SGPL1: variants seen among roughly 807,000 people sequenced by gnomAD.
SGPL1 encodes the protein sphingosine-1-phosphate lyase 1, also known as SP-lyase 1.
A neutral mutation model predicts 68.9 loss-of-function variants in SGPL1; 37 were observed. The ratio of observed to expected loss-of-function variants is 0.54; its 90% confidence interval spans 0.41 to 0.71. SGPL1 has a LOEUF of 0.71. Ranked by LOEUF, SGPL1 falls within the 30% of genes least tolerant of loss-of-function variation. SGPL1 has a pLI of 0.00. For missense variants in SGPL1, 551 were observed against 704.6 expected (o/e 0.78, Z 2.47); for synonymous variants, 236 against 248.5 (o/e 0.95, Z 0.47).
At chr10:70,826,393 C>T (rs558339144) in intron 2 of SGPL1, among the ~76,000 whole-genome samples, 2 of 152,170 alleles carry the variant, frequency 1.3e-5, no homozygotes, top group African/African-American at 2.4e-5. Flanking sequence ...GTAGTGCATC[C>T]CCTCCTGGGC....
At chr10:70,830,860 A>T (rs892227601) in intron 2 of SGPL1, among the ~76,000 whole-genome samples, 2 of 152,228 alleles carry the variant, frequency 1.3e-5, no homozygotes, top group Non-Finnish European at 2.9e-5. Context: ...ATACAGATAT[A>T]AAATGAACAT....
intron 2 of SGPL1, 85 bp downstream of exon 2, chr10:70,816,965 C>T: frequency 8.0e-6 from 10 of 1,251,242 alleles, no homozygotes; most frequent in Non-Finnish European, 1.2e-5. Flanking sequence ...GTAGATTTCA[C>T]CTCTGATGCT....
intron 2 of SGPL1, among the ~76,000 whole-genome samples, chr10:70,821,460 C>T (rs1052404290): frequency 1.3e-5 from 2 of 152,254 alleles, no homozygotes; most frequent in East Asian, 1.9e-4. Context: ...TCAAGGTTAG[C>T]GTGTGCACCC....
chr10:70,875,369 T>C, intron 12 of SGPL1, 33 bp from the exon 13 acceptor site: 10 of 1,481,334 alleles, frequency 6.8e-6, no homozygotes, highest in Non-Finnish European at 9.4e-6. Context: ...CTGAATTTAC[T>C]TTTTCTTCCT....
At chr10:70,822,145 A>G (rs1175145343) in intron 2 of SGPL1, among the ~76,000 whole-genome samples, 1 of 152,164 alleles carries the variant, frequency 6.6e-6, no homozygotes, top group South Asian at 2.1e-4. Flanking sequence ...GCTCTGTTCT[A>G]TTATTTGAGC....
intron 2 of SGPL1, among the ~76,000 whole-genome samples, chr10:70,832,496 T>C (rs550016664): frequency 6.6e-6 from 1 of 152,326 alleles, no homozygotes; most frequent in South Asian, 2.1e-4. Context: ...AGTATGGGAC[T>C]GGAGAAGTCA....
intron 2 of SGPL1, among the ~76,000 whole-genome samples, chr10:70,827,314 G>A (rs1472250754): frequency 1.3e-5 from 2 of 152,114 alleles, no homozygotes; most frequent in African/African-American, 4.8e-5. Context: ...TGGATTTTCT[G>A]TTTTGTGGCT....
At chr10:70,872,830 A>G (rs1011706155) in intron 11 of SGPL1, among the ~76,000 whole-genome samples, 1 of 152,172 alleles carries the variant, frequency 6.6e-6, no homozygotes, top group Non-Finnish European at 1.5e-5. Context: ...CAGATGTTCT[A>G]TAAGGAAACC....
intron 7 of SGPL1, chr10:70,860,398 A>G: frequency 2.1e-6 from 1 of 468,306 alleles, no homozygotes; most frequent in Non-Finnish European, 4.4e-6. Context: ...TCCAGGAAGC[A>G]TTGTTTTTGT....
At chr10:70,861,989 G>A (rs892645154) in intron 7 of SGPL1, among the ~76,000 whole-genome samples, 2 of 152,206 alleles carry the variant, frequency 1.3e-5, no homozygotes, top group South Asian at 2.1e-4. Context: ...GCTCCACGGC[G>A]CCCAGTCCCA....
At chr10:70,827,210 A>T (rs1845452212) in intron 2 of SGPL1, among the ~76,000 whole-genome samples, 1 of 152,220 alleles carries the variant, frequency 6.6e-6, no homozygotes, top group Admixed American at 6.5e-5. Context: ...ATTTTTTGAC[A>T]ATCTGGTAAG....
intron 2 of SGPL1, among the ~76,000 whole-genome samples, chr10:70,841,824 T>A (rs1448849039): frequency 2.6e-5 from 4 of 152,190 alleles, no homozygotes; most frequent in South Asian, 2.1e-4. Flanking sequence ...TCAGTATCAT[T>A]ATCTTTTTCT....
intron 2 of SGPL1, among the ~76,000 whole-genome samples, chr10:70,828,289 C>G (rs1845471046): frequency 6.6e-6 from 1 of 152,160 alleles, no homozygotes; most frequent in African/African-American, 2.4e-5. Context: ...AGAACTCTTT[C>G]CTGAAGTTGT....
chr10:70,861,837 G>A (rs895488318), intron 7 of SGPL1, among the ~76,000 whole-genome samples: 2 of 152,242 alleles, frequency 1.3e-5, no homozygotes, highest in African/African-American at 4.8e-5. Flanking sequence ...CGGCCTACCG[G>A]CACTGCGCTC....
At chr10:70,869,644 AAAG>A (rs1589474258) in intron 8 of SGPL1, 145 bp from the exon 9 acceptor site, 8 of 576,428 alleles carry the variant, frequency 1.4e-5, no homozygotes, top group Non-Finnish European at 2.4e-5. Context: ...GTGTGCTTAA[AAAG>A]AAAAGTAGAG....
At chr10:70,844,338 A>G (rs1279606418) in intron 2 of SGPL1, 135 bp from the exon 3 acceptor site, 2 of 725,192 alleles carry the variant, frequency 2.8e-6, no homozygotes, top group East Asian at 2.8e-5. Flanking sequence ...GTAGATGATA[A>G]TAAGATTATT....
At chr10:70,839,813 A>C (rs1038875705) in intron 2 of SGPL1, among the ~76,000 whole-genome samples, 11 of 152,118 alleles carry the variant, frequency 7.2e-5, no homozygotes, top group Admixed American at 7.2e-4. Flanking sequence ...AGGGGTGTCC[A>C]GTCTTTTGGC....
At position 70,877,299 on chromosome 10, in the gene SGPL1, G is replaced by A; in HGVS notation, c.1671G>A (p.Gln557=). ...DSLYSTDTVT[Q]GSQMNGSPKP... ...TGTACAGCACCGACACTGTCACCCA[G>A]GGCAGCCAGATGAATGGTTCTCCAA... Residue 557 remains glutamine, a synonymous_variant, in exon 15 of 15, where the codon CAG becomes CAA. Coordinates refer to ENST00000373202, the MANE Select transcript of SGPL1 (RefSeq NM_003901.4). The A allele has an allele frequency of 1.2e-6, 2 of 1,614,164 alleles. No homozygotes were observed. Among genetic ancestry groups the A allele is most frequent in the South Asian group, 1.1e-5 (1 of 91,082 alleles).
intron 7 of SGPL1, among the ~76,000 whole-genome samples, chr10:70,867,587 G>C (rs1451628204): frequency 6.6e-6 from 1 of 151,810 alleles, no homozygotes; most frequent in East Asian, 1.9e-4. Flanking sequence ...ATGGATTGAG[G>C]GTTTGTTAGG....
Sources: gnomAD v4.1 joint callset for allele counts (sites outside exome capture counted in the v4.1 genomes callset) on GRCh38, gnomAD v4.1.1 for gene constraint, MANE v1.5 for transcripts, NCBI Gene and HGNC (gene_info 2026-07-23, HGNC 2026-07-21) for gene names.